Variants in MAPK14 observed in about 807,000 individuals in gnomAD.
The protein encoded by MAPK14 is CSAID-binding protein.
MAPK14 carries 16 observed loss-of-function variants against 49.6 expected under a neutral mutation model. The observed-to-expected ratio is 0.32, with a 90% CI of 0.22 to 0.49. The LOEUF (loss-of-function observed/expected upper bound fraction) is 0.49, where lower values mean the gene tolerates loss of function less well. Among genes scored for constraint, MAPK14 ranks in the 20% least tolerant of loss-of-function variants. The probability of loss-of-function intolerance (pLI) is 0.99; values close to 1 mark genes in which losing one functional copy is unlikely to be tolerated. For missense variants in MAPK14, 200 were observed against 441.2 expected (o/e 0.45, Z 4.90); for synonymous variants, 142 against 158.0 (o/e 0.90, Z 0.76).
At chr6:36,098,948 T>C (rs2127470227) in intron 9 of MAPK14, among the ~76,000 whole-genome samples, 1 of 152,330 alleles carries the variant, frequency 6.6e-6, no homozygotes, top group South Asian at 2.1e-4. Flanking sequence ...CAAAGTGTAT[T>C]TCCTATCCCC....
chr6:36,039,743 G>A (rs1488515268), intron 1 of MAPK14, among the ~76,000 whole-genome samples: 2 of 152,010 alleles, frequency 1.3e-5, no homozygotes, highest in Non-Finnish European at 2.9e-5. Flanking sequence ...AGTGGCTCAC[G>A]CCTGTAATCC....
intron 1 of MAPK14, among the ~76,000 whole-genome samples, chr6:36,040,263 A>T (rs370496017): frequency 6.6e-6 from 1 of 152,136 alleles, no homozygotes; most frequent in Non-Finnish European, 1.5e-5. Context: ...ACTAATAGCA[A>T]TTCCCAGTTG....
chr6:36,052,776 C>T lies in MAPK14; in HGVS notation c.194C>T (p.Ala65Val), dbSNP rs753358147. The change falls in exon 2 of 12, where the codon GCG (alanine) becomes GTG (valine). Residue 65 changes from alanine (A) to valine (V), a missense_variant. Physicochemically the swap from Ala to Val is moderately conservative, Grantham distance 64. This residue lies in a region of MAPK14 where 170 missense variants were observed against 407.0 expected (regional missense o/e 0.42). Coordinates refer to ENST00000229794, the MANE Select transcript of MAPK14 (RefSeq NM_139012.3). ...AGACCATTTCAGTCCATCATTCATG[C>T]GAAAAGAACCTACAGAGAACTGCGG... ...LSRPFQSIIH[A>V]KRTYRELRLL... is the part of the protein sequence containing the mutation. The T allele has an allele frequency of 6.2e-7, 1 of 1,610,892 alleles. No homozygotes were observed. The highest frequency in any genetic ancestry group is 1.1e-5 in the South Asian group (1 of 90,780).
At chr6:36,045,808 C>CAAAAAAAAA (rs371920281) in intron 1 of MAPK14, among the ~76,000 whole-genome samples, 405 of 45,590 alleles carry the variant, frequency 8.9e-3, no homozygotes, top group Non-Finnish European at 0.013. Context: ...GACTCTGTCT[C>CAAAAAAAAA]AAAAAAAAAA....
chr6:36,080,666 G>A (rs1361276359), intron 8 of MAPK14, among the ~76,000 whole-genome samples: 2 of 152,096 alleles, frequency 1.3e-5, no homozygotes, highest in East Asian at 3.8e-4. Flanking sequence ...TGTCATACAA[G>A]CATCTGTTTG....
chr6:36,123,380 G>C, the MAPK14 span, among the ~76,000 whole-genome samples: 1 of 152,162 alleles, frequency 6.6e-6, no homozygotes, highest in Non-Finnish European at 1.5e-5. Flanking sequence ...TTCCCTCAGG[G>C]AGCAAGGGAA....
intron 8 of MAPK14, among the ~76,000 whole-genome samples, chr6:36,089,189 A>G (rs1026867011): frequency 6.6e-6 from 1 of 152,222 alleles, no homozygotes; most frequent in Non-Finnish European, 1.5e-5. Context: ...ATAAAAAAAC[A>G]TGGTACATAT....
At chr6:36,074,144 A>G (rs201849513) in intron 6 of MAPK14, 48 bp downstream of exon 6, 27 of 1,467,986 alleles carry the variant, frequency 1.8e-5, no homozygotes, top group South Asian at 1.2e-4. Flanking sequence ...TTGAGATTAT[A>G]TGTTTGACTA....
chr6:36,073,046 G>A, intron 4 of MAPK14, 62 bp downstream of exon 4: 1 of 1,053,326 alleles, frequency 9.5e-7, no homozygotes, highest in Non-Finnish European at 1.5e-6. Flanking sequence ...CTCCTTTTAG[G>A]GCTTAAACAA....
intron 3 of MAPK14, among the ~76,000 whole-genome samples, chr6:36,061,724 A>G (rs575097189): frequency 3.9e-5 from 6 of 152,318 alleles, no homozygotes; most frequent in African/African-American, 1.4e-4. Flanking sequence ...AACGAATTCA[A>G]AGCACTTTTG....
At chr6:36,115,711 C>G (rs374831656), downstream of MAPK14, among the ~76,000 whole-genome samples, 1 of 152,002 alleles carries the variant, frequency 6.6e-6, no homozygotes, top group Non-Finnish European at 1.5e-5. Context: ...GTGGATCACT[C>G]GCCATCCTGG....
In MAPK14 at chr6:36,027,948, C is replaced by T. The variant is rs1367699268; in HGVS notation, c.-210C>T. On this transcript the variant is annotated 5_prime_UTR_variant, in exon 1 of 12. Coordinates refer to ENST00000229794, the MANE Select transcript of MAPK14 (RefSeq NM_139012.3). ...GAGCGCGTCCCTGCCCTTAGCGGGG[C>T]TTGCCCCAGTCGCAGGGGCACATCC... 4 of 432,616 alleles carry T rather than the reference C, an allele frequency of 9.2e-6. No homozygotes were observed. Among genetic ancestry groups the T allele is most frequent in the Non-Finnish European group, 4.0e-6 (1 of 249,750 alleles). 26.8% of individuals were successfully genotyped at this position (432,616 alleles called of 1,614,324 possible).
chr6:36,074,934 A>C (rs1275024783), intron 6 of MAPK14, among the ~76,000 whole-genome samples: 1 of 151,624 alleles, frequency 6.6e-6, no homozygotes, highest in East Asian at 2.0e-4. Context: ...GGATTACTTT[A>C]AAAAGTTTAT....
intron 8 of MAPK14, among the ~76,000 whole-genome samples, chr6:36,088,109 C>G (rs1052563717): frequency 3.9e-5 from 6 of 152,096 alleles, no homozygotes; most frequent in Non-Finnish European, 7.4e-5. Context: ...TTCCTTACAC[C>G]TTATACAAAA....
At chr6:36,120,212 A>G in the MAPK14 span, among the ~76,000 whole-genome samples, 27 of 152,358 alleles carry the variant, frequency 1.8e-4, no homozygotes, top group African/African-American at 6.3e-4. Flanking sequence ...TAACCAATGT[A>G]GAGCACTTAG....
chr6:36,064,270 G>GCCCCCCCCCCCCC (rs3045917), intron 3 of MAPK14, among the ~76,000 whole-genome samples: 2 of 124,758 alleles, frequency 1.6e-5, no homozygotes, highest in Non-Finnish European at 3.4e-5. Context: ...GAGCCACCAT[G>GCCCCCCCCCCCCC]CCCCCCCCCA....
Position 36,083,033 on chromosome 6 carries a change from A to G in MAPK14, c.682+6425A>G, listed in dbSNP as rs570765012. 5.9e-5 allele frequency among the ~76,000 whole-genome samples: 9 copies of G among 152,310 alleles called. No individual in the cohort carries two copies. In the South Asian group the frequency reaches 1.2e-3, roughly 21 times the overall value. Reference sequence around the variant, plus strand: ...TAATTCCTGGATTTCCTTTAAAGATATAAGAAATACTGGGGAGGGGACAAG... The same window carrying G: ...TAATTCCTGGATTTCCTTTAAAGATGTAAGAAATACTGGGGAGGGGACAAG... On this transcript the variant is annotated intron_variant, in intron 8 of 11. Transcript: ENST00000229794.
intron 1 of MAPK14, among the ~76,000 whole-genome samples, chr6:36,044,314 T>C (rs187965179): frequency 2.6e-5 from 4 of 152,362 alleles, no homozygotes; most frequent in African/African-American, 9.6e-5. Flanking sequence ...AAAGACTTGC[T>C]GAGTGATTAC....
At chr6:36,092,394 G>A (rs1780189981) in intron 8 of MAPK14, 3 of 678,130 alleles carry the variant, frequency 4.4e-6, no homozygotes, top group African/African-American at 1.8e-5. Flanking sequence ...GCCACCCATT[G>A]GTGGTCAGGA....
Sources: allele counts gnomAD v4.1 joint callset (sites outside exome capture counted in the v4.1 genomes callset), GRCh38; gene constraint gnomAD v4.1.1; regional missense constraint gnomAD v4.1.1; transcripts MANE v1.5; gene names NCBI Gene and HGNC (gene_info 2026-07-23, HGNC 2026-07-21).